Variants in IZUMO3 observed in about 807,000 individuals in gnomAD.
IZUMO3 encodes izumo sperm-egg fusion protein 3.
In IZUMO3, 36 loss-of-function variants were observed where a neutral mutation model predicts 28.4. That is an observed-to-expected ratio of 1.27 (90% CI 0.97 to 1.67). The LOEUF is 1.67. IZUMO3 is among the 40% of genes most tolerant of loss of function. The pLI is 0.00. For synonymous variants in IZUMO3, 126 were observed against 99.2 expected (o/e 1.27, Z -1.61); for missense variants, 387 against 278.5 (o/e 1.39, Z -2.77).
chr9:24,545,792 G>C lies in IZUMO3; in HGVS notation c.-143C>G, dbSNP rs986877482. The C allele has an allele frequency of 1.9e-5, 29 of 1,539,876 alleles. No individual in the cohort carries two copies. The highest frequency in any genetic ancestry group is 1.8e-4 in the Admixed American group (9 of 50,228). On this transcript the variant is annotated 5_prime_UTR_variant, in exon 1 of 7. Coordinates refer to ENST00000543880, the MANE Select transcript of IZUMO3 (RefSeq NM_001365008.2). ...TTCCCGCTGTTTCCATCCCACTATC[G>C]GGCAATCTTTAGTTGTTTAGTTTAA... is the stretch of plus-strand genomic sequence containing the variant.
At chr9:24,544,706 G>T (rs1819543380) in intron 4 of IZUMO3, 37 bp downstream of exon 4, 12 of 1,541,024 alleles carry the variant, frequency 7.8e-6, no homozygotes, top group Non-Finnish European at 8.8e-6. Flanking sequence ...GGAAAATATG[G>T]GCTGAAACCT....
At chr9:24,544,889 T>G in intron 3 of IZUMO3, 83 bp downstream of exon 3, 1 of 1,327,264 alleles carries the variant, frequency 7.5e-7, no homozygotes, top group Non-Finnish European at 1.1e-6. Context: ...AACTCTATTA[T>G]GAACTTGCAT....
At chr9:24,545,085 C>G (rs1587171929) in intron 2 of IZUMO3, 24 bp from the exon 3 acceptor site, 1 of 1,505,950 alleles carries the variant, frequency 6.6e-7, no homozygotes, top group Non-Finnish European at 9.0e-7. Flanking sequence ...GAAGGGGTGT[C>G]AAAAAATAGA....
At chr9:24,544,019 A>T (rs1819522375) in intron 5 of IZUMO3, among the ~76,000 whole-genome samples, 182 bp downstream of exon 5, 2 of 152,058 alleles carry the variant, frequency 1.3e-5, no homozygotes, top group Non-Finnish European at 2.9e-5. Flanking sequence ...CAGTTGATTC[A>T]GTGCCAAATT....
intron 2 of IZUMO3, 28 bp downstream of exon 2, chr9:24,545,184 A>C: frequency 6.5e-7 from 1 of 1,541,670 alleles, no homozygotes; most frequent in East Asian, 2.4e-5. Flanking sequence ...GAGCAATACA[A>C]ACTTTTAACA....
intron 6 of IZUMO3, 76 bp from the exon 7 acceptor site, chr9:24,543,443 T>C (rs1280069156): frequency 4.5e-6 from 3 of 666,310 alleles, no homozygotes; most frequent in Non-Finnish European, 4.1e-6. Flanking sequence ...ACATTGTTTT[T>C]TTTTTTTTTT....
chr9:24,544,330 G>A, intron 4 of IZUMO3, 49 bp from the exon 5 acceptor site: 1 of 1,305,108 alleles, frequency 7.7e-7, no homozygotes, highest in Non-Finnish European at 1.1e-6. Flanking sequence ...ATGGCACGAG[G>A]GTTCCTTAGT....
chr9:24,544,382 G>C, intron 4 of IZUMO3, 101 bp from the exon 5 acceptor site: 1 of 850,400 alleles, frequency 1.2e-6, no homozygotes, highest in Non-Finnish European at 1.9e-6. Context: ...GCATTCCCAG[G>C]ACTCTCAAGT....
At chr9:24,544,046 A>G (rs1819522817) in intron 5 of IZUMO3, among the ~76,000 whole-genome samples, 155 bp downstream of exon 5, 1 of 152,044 alleles carries the variant, frequency 6.6e-6, no homozygotes, top group East Asian at 1.9e-4. Context: ...ACTGGTCAAA[A>G]TTTCACCCAA....
At chr9:24,545,393 C>T in intron 1 of IZUMO3, 31 bp downstream of exon 1, 1 of 1,545,416 alleles carries the variant, frequency 6.5e-7, no homozygotes, top group South Asian at 1.2e-5. Context: ...GTTTAAGCCC[C>T]TGGACTCTCA....
chr9:24,545,294 G>A lies in IZUMO3; in HGVS notation c.227-8C>T. The A allele has an allele frequency of 1.3e-6, 2 of 1,549,788 alleles. No homozygotes were observed. The highest frequency in any genetic ancestry group is 8.7e-7 in the Non-Finnish European group (1 of 1,146,356). On this transcript the variant is annotated splice_region_variant and splice_polypyrimidine_tract_variant and intron_variant, in intron 1 of 6. Transcript: ENST00000543880. ...TAACAACCTGCTGAACAGCTAGAGAGGGAGAGTAAAGGTACATGTAGGGGA... is the reference window on the plus strand; with the variant it reads ...TAACAACCTGCTGAACAGCTAGAGAAGGAGAGTAAAGGTACATGTAGGGGA...
At position 24,545,728 on chromosome 9, in the gene IZUMO3, G is replaced by T. The variant is rs1452295829; in HGVS notation, c.-79C>A. 4 of 1,533,178 alleles carry T rather than the reference G, an allele frequency of 2.6e-6. No individual in the cohort carries two copies. Among genetic ancestry groups the T allele is most frequent in the Non-Finnish European group, 3.5e-6 (4 of 1,142,180 alleles). 95.0% of individuals were successfully genotyped at this position (1,533,178 alleles called of 1,614,324 possible). On this transcript the variant is annotated 5_prime_UTR_variant, in exon 1 of 7. Coordinates refer to ENST00000543880, the MANE Select transcript of IZUMO3 (RefSeq NM_001365008.2). Reference sequence around the variant, plus strand: ...TTAGTTCCTTTTCCTTCAAAAATCCGGGAATGAGAGCCTGGTTCTGGATAG... The same window carrying T: ...TTAGTTCCTTTTCCTTCAAAAATCCTGGAATGAGAGCCTGGTTCTGGATAG...
At chr9:24,545,137 C>G in intron 2 of IZUMO3, 75 bp downstream of exon 2, 2 of 1,496,952 alleles carry the variant, frequency 1.3e-6, no homozygotes, top group Non-Finnish European at 1.8e-6. Context: ...CTGTTTTTAT[C>G]TTTGTTTTCC....
rs1382628764 is a variant in IZUMO3, at chr9:24,545,582, T to A, written c.68A>T (p.Glu23Val). The change falls in exon 1 of 7, where the codon GAA becomes GTA. Residue 23 changes from glutamate (E) to valine (V), a missense_variant. Transcript: ENST00000543880. ...ATCCTCTATAAATTTGGGGTCACAT[T>A]CTAAACAGCCTTTGACTCCATGGAA... is the stretch of plus-strand genomic sequence containing the variant. ...SAFHGVKGCL[E>V]CDPKFIEDVG... is the part of the protein sequence containing the mutation. 32 of 1,535,232 alleles carry A rather than the reference T, an allele frequency of 2.1e-5. No individual in the cohort carries two copies. Among genetic ancestry groups the A allele is most frequent in the Non-Finnish European group, 2.6e-5 (30 of 1,146,700 alleles).
rs1316854115 is a variant in IZUMO3, at chr9:24,544,994, T to C, written c.369A>G (p.Leu123=). ...TACCAATTTCAGAGAAGTTCTTTAG[T>C]AATTCTTTCAGTTTGGATTCCAGGT... ...CQNLESKLKE[L]LKNFSEIACS... The change falls in exon 3 of 7, where the codon TTA becomes TTG. Residue 123 remains leucine (L), a synonymous_variant. Transcript: ENST00000543880. 72 of 1,550,248 alleles carry C rather than the reference T, an allele frequency of 4.6e-5. No homozygotes were observed. The highest frequency in any genetic ancestry group is 6.1e-5 in the Non-Finnish European group (70 of 1,146,556).
rs754157289 is a variant in IZUMO3 at position 24,545,290 on chromosome 9, G to C, written c.227-4C>G. On this transcript the variant is annotated splice_region_variant and splice_polypyrimidine_tract_variant and intron_variant, in intron 1 of 6. Transcript: ENST00000543880. The stretch of plus-strand genomic sequence containing the variant: ...AACTTAACAACCTGCTGAACAGCTA[G>C]AGAGGGAGAGTAAAGGTACATGTAG... 1.9e-5 allele frequency: 29 copies of C among 1,549,780 alleles called. No homozygotes were observed. The South Asian group carries it at 3.3e-4, about 18-fold the overall frequency.
Position 24,545,180 on chromosome 9 carries a change from T to C in IZUMO3, c.301+32A>G, listed in dbSNP as rs759281429. On this transcript the variant is annotated intron_variant, in intron 2 of 6. Transcript: ENST00000543880. ...AATTTTCTGAGGCTTGCTTGAGCAATACAAACTTTTAACATTGAAACAGTA... is the reference window on the plus strand; with the variant it reads ...AATTTTCTGAGGCTTGCTTGAGCAACACAAACTTTTAACATTGAAACAGTA... 10 of 1,537,412 alleles carry C rather than the reference T, an allele frequency of 6.5e-6. No individual in the cohort carries two copies. The African/African-American group carries it at 9.6e-5, about 15-fold the overall frequency.
chr9:24,543,398 T>G (rs1420346178), intron 6 of IZUMO3, 31 bp from the exon 7 acceptor site: 5 of 1,248,896 alleles, frequency 4.0e-6, no homozygotes, highest in Non-Finnish European at 5.3e-6. Flanking sequence ...AATTCCAACT[T>G]CAATATCAGT....
chr9:24,543,683 G>A lies in IZUMO3; in HGVS notation c.562C>T (p.Leu188=), dbSNP rs1015267987. 24 of 1,547,406 alleles carry A rather than the reference G, an allele frequency of 1.6e-5. No homozygotes were observed. The highest frequency in any genetic ancestry group is 2.0e-5 in the Non-Finnish European group (23 of 1,144,610). ...ACTCACAGTAACACAGCACTTCCCA[G>A]TATTACAGCTGTTGCCAGCAATATG... The part of the protein sequence containing the change: ...FLILLATAVI[L]GSAVLLFHFC... The change falls in exon 6 of 7, where the codon CTG becomes TTG. Residue 188 remains leucine, a synonymous_variant. Coordinates refer to ENST00000543880, the MANE Select transcript of IZUMO3 (RefSeq NM_001365008.2).
Sources: allele counts gnomAD v4.1 joint callset (sites outside exome capture counted in the v4.1 genomes callset), GRCh38; gene constraint gnomAD v4.1.1; transcripts MANE v1.5; gene names NCBI Gene and HGNC (gene_info 2026-07-23, HGNC 2026-07-21).